The following GABRB3 variants were observed in gnomAD, a reference collection of about 807,000 sequenced individuals.
The protein encoded by GABRB3 is gamma-aminobutyric acid type A receptor subunit beta3, also known as gamma-aminobutyric acid receptor subunit beta-3.
A neutral mutation model predicts 52.1 loss-of-function variants in GABRB3; 14 were observed. The observed-to-expected ratio is 0.27, with a 90% CI of 0.18 to 0.42. The LOEUF is 0.42. GABRB3 is among the 10% of genes least tolerant of loss of function. The pLI is 1.00. For synonymous variants in GABRB3, 260 were observed against 232.3 expected (o/e 1.12, Z -1.08); for missense variants, 307 against 609.1 (o/e 0.50, Z 5.22).
chr15:26,600,498 C>G (rs1306862197), intron 4 of GABRB3, among the ~76,000 whole-genome samples: 2 of 152,004 alleles, frequency 1.3e-5, no homozygotes, highest in Admixed American at 1.3e-4. Context: ...AGAAACATAT[C>G]GCATATAAGA....
intron 3 of GABRB3, among the ~76,000 whole-genome samples, chr15:26,664,986 G>A (rs1248491545): frequency 2.6e-5 from 4 of 152,040 alleles, no homozygotes; most frequent in Non-Finnish European, 4.4e-5. Flanking sequence ...AGGCGTGAAC[G>A]CCCTTATCAT....
intron 3 of GABRB3, among the ~76,000 whole-genome samples, chr15:26,700,924 G>A (rs28822070): frequency 0.023 from 3,469 of 152,150 alleles, 132 homozygotes; most frequent in African/African-American, 0.079. Flanking sequence ...GCGTGGTGGC[G>A]GGTGCCTGTA....
At chr15:26,564,012 T>C (rs1265791067) in intron 7 of GABRB3, among the ~76,000 whole-genome samples, 2 of 152,158 alleles carry the variant, frequency 1.3e-5, no homozygotes, top group Non-Finnish European at 2.9e-5. Context: ...AGTATACGTT[T>C]TTACCTTTAG....
chr15:26,629,297 G>A (rs1219003756), intron 3 of GABRB3: 13 of 850,016 alleles, frequency 1.5e-5, no homozygotes, highest in Admixed American at 3.2e-5. Context: ...GGCGTGGCCC[G>A]TAGCGGAAAA....
At chr15:26,568,533 T>G (rs1277135026) in intron 6 of GABRB3, among the ~76,000 whole-genome samples, 1 of 149,536 alleles carries the variant, frequency 6.7e-6, no homozygotes, top group Non-Finnish European at 1.5e-5. Flanking sequence ...AGTCTCGCTC[T>G]GTCACCCAGG....
intron 4 of GABRB3, among the ~76,000 whole-genome samples, chr15:26,609,760 T>TCAAA (rs1891995490): frequency 2.0e-5 from 3 of 152,314 alleles, no homozygotes; most frequent in African/African-American, 7.2e-5. Context: ...ATTTCAAAGT[T>TCAAA]GCTGAGAGAA....
chr15:26,595,112 C>G (rs923869121), intron 4 of GABRB3, among the ~76,000 whole-genome samples: 24 of 152,180 alleles, frequency 1.6e-4, no homozygotes, highest in African/African-American at 5.8e-4. Context: ...CTCTTTTGAG[C>G]CTTAGATGGT....
rs34221443 is a variant in GABRB3, at chr15:26,760,084, C to A, written c.240+12318G>T. Among the ~76,000 whole-genome samples the A allele has an allele frequency of 2.0e-5, 3 of 152,122 alleles. No individual in the cohort carries two copies. In the South Asian group the frequency reaches 6.2e-4, roughly 32 times the overall value. ...GCTCATAGCATACAGCAAAGGGAAC[C>A]TGAAGAAAGAGTTTTCGGGTTCTAC... On this transcript the variant is annotated intron_variant, in intron 3 of 8. Transcript: ENST00000311550.
At chr15:26,735,233 A>G (rs1055888399) in intron 3 of GABRB3, among the ~76,000 whole-genome samples, 1 of 152,244 alleles carries the variant, frequency 6.6e-6, no homozygotes, top group African/African-American at 2.4e-5. Flanking sequence ...AAACAAAGAG[A>G]AAATAACAAG....
At chr15:26,548,379 C>T (rs2140646566) in intron 8 of GABRB3, among the ~76,000 whole-genome samples, 1 of 152,204 alleles carries the variant, frequency 6.6e-6, no homozygotes, top group Non-Finnish European at 1.5e-5. Flanking sequence ...GGGGGAGGGG[C>T]TTTTTCAAAT....
chr15:26,660,241 A>AG (rs1887498679), intron 3 of GABRB3, among the ~76,000 whole-genome samples: 1 of 152,068 alleles, frequency 6.6e-6, no homozygotes, highest in Non-Finnish European at 1.5e-5. Context: ...GAAAAAAAAA[A>AG]AAAGAAGGGA....
intron 3 of GABRB3, among the ~76,000 whole-genome samples, chr15:26,645,431 A>G (rs1197895237): frequency 6.6e-6 from 1 of 152,154 alleles, no homozygotes; most frequent in South Asian, 2.1e-4. Flanking sequence ...CACTCCTGTG[A>G]GGTATGGTGA....
intron 3 of GABRB3, among the ~76,000 whole-genome samples, chr15:26,752,512 C>T (rs1365661327): frequency 6.6e-6 from 1 of 152,078 alleles, no homozygotes; most frequent in African/African-American, 2.4e-5. Flanking sequence ...ATCCACTCGC[C>T]TTAGCCTCCC....
At chr15:26,750,738 T>G (rs188942055) in intron 3 of GABRB3, among the ~76,000 whole-genome samples, 1 of 152,190 alleles carries the variant, frequency 6.6e-6, no homozygotes, top group South Asian at 2.1e-4. Flanking sequence ...AACTCATAAA[T>G]AGTAGAAAAC....
At chr15:26,719,661 T>C (rs1205961261) in intron 3 of GABRB3, among the ~76,000 whole-genome samples, 1 of 152,252 alleles carries the variant, frequency 6.6e-6, no homozygotes, top group Non-Finnish European at 1.5e-5. Flanking sequence ...TCGTCCTATA[T>C]TGACCACTGT....
intron 3 of GABRB3, among the ~76,000 whole-genome samples, chr15:26,710,911 TC>T (rs751869471): frequency 0.11 from 16,648 of 148,826 alleles, 1,014 homozygotes; most frequent in South Asian, 0.19. Flanking sequence ...TTTTTTTTTT[TC>T]CATCTCTCAG....
intron 3 of GABRB3, among the ~76,000 whole-genome samples, chr15:26,685,979 A>T (rs1186696686): frequency 1.3e-5 from 2 of 151,952 alleles, no homozygotes; most frequent in African/African-American, 2.4e-5. Flanking sequence ...TAATTTTTTT[A>T]AATTTAGTTT....
chr15:26,703,568 C>T (rs1889003813), intron 3 of GABRB3, among the ~76,000 whole-genome samples: 5 of 152,150 alleles, frequency 3.3e-5, no homozygotes, highest in Admixed American at 3.3e-4. Flanking sequence ...AGTCTAAAGT[C>T]CAAAATCTCA....
At chr15:26,736,318 C>T (rs1415902063) in intron 3 of GABRB3, among the ~76,000 whole-genome samples, 3 of 152,180 alleles carry the variant, frequency 2.0e-5, no homozygotes, top group African/African-American at 7.2e-5. Flanking sequence ...GAATCACATA[C>T]AGTTACTTTC....
Sources: gnomAD v4.1 joint callset for allele counts (sites outside exome capture counted in the v4.1 genomes callset) on GRCh38, gnomAD v4.1.1 for gene constraint, MANE v1.5 for transcripts, NCBI Gene and HGNC (gene_info 2026-07-23, HGNC 2026-07-21) for gene names.